KDM4A: variants seen among roughly 807,000 people sequenced by gnomAD.
The protein encoded by KDM4A is lysine-specific demethylase 4A.
A neutral mutation model predicts 127.1 loss-of-function variants in KDM4A; 23 were observed. The ratio of observed to expected loss-of-function variants is 0.18; its 90% CI spans 0.13 to 0.26. The LOEUF is 0.26. Among genes scored for constraint, KDM4A ranks in the 10% least tolerant of loss-of-function variants. The pLI, the probability that KDM4A is intolerant of heterozygous loss-of-function variation, is 1.00. For missense variants in KDM4A, 890 were observed against 1,329.1 expected (o/e 0.67, Z 5.14); for synonymous variants, 443 against 466.5 (o/e 0.95, Z 0.65).
At position 43,666,693 on chromosome 1, in the gene KDM4A, G is replaced by T. The variant is rs1032094098; in HGVS notation, c.777+138G>T. On this transcript the variant is annotated intron_variant, in intron 7 of 21. Coordinates refer to ENST00000372396, the MANE Select transcript of KDM4A (RefSeq NM_014663.3). Reference sequence around the variant, plus strand: ...TATGTAACAACACTTTGATCTAAGAGCATTAAAGGTGGGGCCACTGTAGCT... The same window carrying T: ...TATGTAACAACACTTTGATCTAAGATCATTAAAGGTGGGGCCACTGTAGCT... The T allele has an allele frequency of 1.7e-5, 13 of 753,590 alleles. No individual in the cohort carries two copies. The Admixed American group carries it at 3.3e-4, about 19-fold the overall frequency. 46.7% of individuals were successfully genotyped at this position (753,590 alleles called of 1,614,324 possible).
chr1:43,683,469 G>A (rs1425637163), intron 11 of KDM4A, among the ~76,000 whole-genome samples: 1 of 152,196 alleles, frequency 6.6e-6, no homozygotes, highest in Non-Finnish European at 1.5e-5. Flanking sequence ...AACTACACTT[G>A]GGTTTTGCCC....
At chr1:43,664,771 T>A (rs1281495665) in intron 5 of KDM4A, among the ~76,000 whole-genome samples, 1 of 152,220 alleles carries the variant, frequency 6.6e-6, no homozygotes, top group Non-Finnish European at 1.5e-5. Flanking sequence ...ACTCCAAAAT[T>A]CACTGCTCCT....
At chr1:43,681,763 A>C (rs1189766061) in intron 11 of KDM4A, among the ~76,000 whole-genome samples, 4 of 152,228 alleles carry the variant, frequency 2.6e-5, no homozygotes, top group African/African-American at 9.6e-5. Context: ...GGAATAAAGC[A>C]AAATGAACTT....
intron 3 of KDM4A, among the ~76,000 whole-genome samples, chr1:43,658,986 T>C (rs1038322171): frequency 2.6e-5 from 4 of 151,796 alleles, no homozygotes; most frequent in Non-Finnish European, 5.9e-5. Flanking sequence ...AAATTTTCAG[T>C]ATTAAGCTAA....
chr1:43,662,249 G>GT (rs1660399998), intron 4 of KDM4A, among the ~76,000 whole-genome samples: 1 of 150,556 alleles, frequency 6.6e-6, no homozygotes, highest in East Asian at 1.9e-4. Context: ...TGGTCATAGA[G>GT]TTTTTTTTCT....
chr1:43,697,776 CT>C, intron 18 of KDM4A, 66 bp from the exon 19 acceptor site: 4 of 1,411,348 alleles, frequency 2.8e-6, no homozygotes, highest in Non-Finnish European at 3.9e-6. Context: ...ACTAATTGAT[CT>C]TCATCTCCAT....
intron 12 of KDM4A, among the ~76,000 whole-genome samples, chr1:43,686,335 C>CTT (rs35280583): frequency 1.1e-3 from 106 of 92,892 alleles, no homozygotes; most frequent in Middle Eastern, 0.011. Context: ...CACGCCCAGC[C>CTT]TTTTTTTTTT....
At chr1:43,673,068 CA>C (rs1660663182) in intron 11 of KDM4A, among the ~76,000 whole-genome samples, 1 of 152,108 alleles carries the variant, frequency 6.6e-6, no homozygotes, top group Non-Finnish European at 1.5e-5. Flanking sequence ...TCCTTAAATA[CA>C]TGTTGTCACC....
chr1:43,690,791 GC>G, intron 13 of KDM4A, 53 bp from the exon 14 acceptor site: 1 of 1,529,744 alleles, frequency 6.5e-7, no homozygotes, highest in Admixed American at 1.7e-5. Context: ...CAGGTGGAAA[GC>G]TAAGAGCATA....
At chr1:43,660,152 C>T (rs898895202) in intron 3 of KDM4A, 146 bp from the exon 4 acceptor site, 9 of 813,980 alleles carry the variant, frequency 1.1e-5, no homozygotes, top group Admixed American at 4.4e-5. Context: ...GGACTGACTA[C>T]GTATTAGAGC....
chr1:43,662,332 G>A (rs984351570), intron 4 of KDM4A, among the ~76,000 whole-genome samples: 1 of 151,610 alleles, frequency 6.6e-6, no homozygotes, highest in African/African-American at 2.4e-5. Flanking sequence ...ACTCTTGGTC[G>A]GGCGCGGTGG....
rs775307805 is a variant in KDM4A at position 43,662,956 on chromosome 1, T to G, written c.492T>G (p.Ser164Arg). 6.2e-7 allele frequency: 1 copy of G among 1,613,804 alleles called. No individual in the cohort carries two copies. Among genetic ancestry groups the G allele is most frequent in the Non-Finnish European group, 8.5e-7 (1 of 1,179,956 alleles). Residue 164 changes from serine (S) to arginine (R), a missense_variant, in exon 5 of 22, where the codon AGT (serine) becomes AGG (arginine). Ser to Arg is a moderately radical substitution (Grantham distance 110, BLOSUM62 -1). This residue lies in a region of KDM4A where 141 missense variants were observed against 273.5 expected (regional missense o/e 0.52). Coordinates refer to ENST00000372396, the MANE Select transcript of KDM4A (RefSeq NM_014663.3). ...RTILDLVEKE[S>R]GITIEGVNTP... ...TCCTGGACTTGGTGGAAAAGGAGAG[T>G]GGGATCACCATTGAGGGTGTGAACA...
chr1:43,695,104 T>G (rs773071703), intron 18 of KDM4A, among the ~76,000 whole-genome samples: 9 of 152,188 alleles, frequency 5.9e-5, no homozygotes, highest in Non-Finnish European at 1.3e-4. Flanking sequence ...TGCTTGTAGT[T>G]GATTCGTTTT....
intron 12 of KDM4A, among the ~76,000 whole-genome samples, chr1:43,685,287 C>A (rs932456534): frequency 6.6e-6 from 1 of 152,088 alleles, no homozygotes; most frequent in African/African-American, 2.4e-5. Flanking sequence ...GCCCAGAGAT[C>A]CAGGATGATC....
intron 5 of KDM4A, 74 bp from the exon 6 acceptor site, chr1:43,665,622 T>G: frequency 1.8e-5 from 25 of 1,413,334 alleles, no homozygotes; most frequent in Non-Finnish European, 2.1e-5. Context: ...CAAGGTGTTT[T>G]GAGAGTGGGA....
intron 5 of KDM4A, among the ~76,000 whole-genome samples, chr1:43,663,798 C>T (rs1346397605): frequency 1.3e-5 from 2 of 151,728 alleles, no homozygotes; most frequent in African/African-American, 4.8e-5. Context: ...TAATTTTTTT[C>T]CTTCTTTTTT....
intron 8 of KDM4A, 137 bp downstream of exon 8, chr1:43,667,228 C>G: frequency 1.1e-6 from 1 of 942,576 alleles, no homozygotes; most frequent in Admixed American, 2.6e-5. Context: ...TGTCAGAGTA[C>G]TAACATTTTG....
At position 43,697,854 on chromosome 1, in the gene KDM4A, G is replaced by A; in HGVS notation, c.2682G>A (p.Gly894=). The A allele has an allele frequency of 2.5e-6, 4 of 1,612,080 alleles. No homozygotes were observed. The highest frequency in any genetic ancestry group is 3.4e-6 in the Non-Finnish European group (4 of 1,179,228). Residue 894 remains glycine (G), a synonymous_variant, in exon 19 of 22, where the codon GGG becomes GGA. Coordinates refer to ENST00000372396, the MANE Select transcript of KDM4A (RefSeq NM_014663.3). ...CTGTTTTTTTCCAGCGTGCCAAGGGGGCCTTGCAAAGCATCACTGCAGGCC... is the reference window on the plus strand; with the variant it reads ...CTGTTTTTTTCCAGCGTGCCAAGGGAGCCTTGCAAAGCATCACTGCAGGCC... The part of the protein sequence containing the change: ...HKIPNLERAK[G]ALQSITAGQK...
At chr1:43,704,142 T>C (rs1661483041) in intron 21 of KDM4A, 30 bp downstream of exon 21, 1 of 1,611,996 alleles carries the variant, frequency 6.2e-7, no homozygotes, top group Non-Finnish European at 8.5e-7. Context: ...CCCCAGTTCC[T>C]GTCTTGGAGG....
Sources: gnomAD v4.1 joint callset for allele counts (sites outside exome capture counted in the v4.1 genomes callset) on GRCh38, gnomAD v4.1.1 for gene constraint, gnomAD v4.1.1 regional missense constraint, MANE v1.5 for transcripts, NCBI Gene and HGNC (gene_info 2026-07-23, HGNC 2026-07-21) for gene names.